The following SETD7 variants were observed in gnomAD, a reference collection of about 807,000 sequenced individuals.
SETD7 encodes SET domain containing 7, histone lysine methyltransferase.
SETD7 carries 16 observed loss-of-function variants against 41.8 expected under a neutral mutation model. The observed-to-expected ratio is 0.38, with a 90% confidence interval of 0.26 to 0.58. The LOEUF (loss-of-function observed/expected upper bound fraction) is 0.58, where lower values mean the gene tolerates loss of function less well. SETD7 is among the 20% of genes least tolerant of loss of function. The pLI, the probability that SETD7 is intolerant of heterozygous loss-of-function variation, is 0.64. For synonymous variants in SETD7, 163 were observed against 169.7 expected (o/e 0.96, Z 0.31); for missense variants, 346 against 459.7 (o/e 0.75, Z 2.26).
chr4:139,517,475 CAAAAA>C (rs56132171), intron 7 of SETD7, among the ~76,000 whole-genome samples: 11 of 134,044 alleles, frequency 8.2e-5, no homozygotes, highest in Non-Finnish European at 1.6e-4. Context: ...AAATCCATCT[CAAAAA>C]AAAAAAAAAA....
chr4:139,545,899 G>A (rs1727929711), intron 2 of SETD7, among the ~76,000 whole-genome samples: 1 of 152,150 alleles, frequency 6.6e-6, no homozygotes, highest in South Asian at 2.1e-4. Context: ...CAACCAACGG[G>A]TCTGAAAATA....
rs1423903082 is a variant in SETD7 at position 139,520,278 on chromosome 4, T to G, written c.761A>C (p.Glu254Ala). The change falls in exon 6 of 8, where the codon GAG becomes GCG. Residue 254 changes from glutamate (E) to alanine (A), a missense_variant and splice_region_variant. Physicochemically the swap from Glu to Ala is moderately radical, Grantham distance 107 (BLOSUM62 -1). Around this residue, in one of 3 missense-constraint regions of SETD7, gnomAD observed 266 missense variants for 377.0 expected, o/e 0.71. Transcript: ENST00000274031. The stretch of plus-strand genomic sequence containing the variant: ...TTTTCCACTGTCAGCCCCACTCACC[T>G]CTTGGTGTGTAATTCGAACTCCATT... ...FYNGVRITHQ[E>A]VDSRDWALNG... The G allele has an allele frequency of 2.0e-6, 3 of 1,529,546 alleles. No homozygotes were observed. Among genetic ancestry groups the G allele is most frequent in the Non-Finnish European group, 2.7e-6 (3 of 1,115,052 alleles). The allele number at this position is 1,529,546 out of a possible 1,614,324, so 94.7% of individuals were successfully genotyped here. A position where few individuals can be genotyped will look rare whatever the true frequency, so the allele number is the denominator to read the frequency against.
intron 3 of SETD7, 131 bp downstream of exon 3, chr4:139,533,034 C>T: frequency 1.3e-6 from 1 of 741,896 alleles, no homozygotes; most frequent in South Asian, 1.6e-5. Context: ...GCCTCATAAA[C>T]TCTTGGTGTC....
chr4:139,520,026 A>G (rs920245218), intron 6 of SETD7, among the ~76,000 whole-genome samples: 2 of 152,212 alleles, frequency 1.3e-5, no homozygotes, highest in African/African-American at 4.8e-5. Flanking sequence ...TTTTTAAGAC[A>G]TTGGTACAGT....
rs1728240790 is a variant in SETD7, at chr4:139,555,515, G to A, written c.40+583C>T. ...TCCCGGGTCGGGAGACTTGTCCGTCGCCCGACAATGATTTCATCTTTTCGG... is the reference window on the plus strand; with the variant it reads ...TCCCGGGTCGGGAGACTTGTCCGTCACCCGACAATGATTTCATCTTTTCGG... On this transcript the variant is annotated intron_variant, in intron 1 of 7. Coordinates refer to ENST00000274031, the MANE Select transcript of SETD7 (RefSeq NM_030648.4). This position sits in a 1 kb window ranked among gnomAD's most constrained non-coding sequence, Gnocchi z 4.0. Among the ~76,000 whole-genome samples, 1 of 152,132 alleles carries A rather than the reference G, an allele frequency of 6.6e-6. No homozygotes were observed.
intron 7 of SETD7, among the ~76,000 whole-genome samples, chr4:139,498,618 C>T (rs899433194): frequency 2.6e-5 from 4 of 152,176 alleles, no homozygotes; most frequent in African/African-American, 9.7e-5. Context: ...AAGACAATAT[C>T]CAGAAATGAA....
At chr4:139,531,912 G>T (rs1025827999) in intron 3 of SETD7, among the ~76,000 whole-genome samples, 15 of 152,052 alleles carry the variant, frequency 9.9e-5, no homozygotes, top group African/African-American at 3.6e-4. Flanking sequence ...GGTCAACATG[G>T]TGAAACCCCA....
intron 1 of SETD7, among the ~76,000 whole-genome samples, chr4:139,549,931 C>T (rs1402564954): frequency 6.6e-6 from 1 of 152,160 alleles, no homozygotes; most frequent in Non-Finnish European, 1.5e-5. Context: ...GCACCTGCCA[C>T]CAAGCCCAGC....
chr4:139,523,491 A>T, intron 4 of SETD7, 56 bp from the exon 5 acceptor site: 2 of 1,246,776 alleles, frequency 1.6e-6, no homozygotes, highest in Non-Finnish European at 2.3e-6. Flanking sequence ...GAGCATTTAT[A>T]ACACTTCTCT....
rs554932524 is a variant in SETD7 at position 139,545,169 on chromosome 4, A to G, written c.170+1751T>C. 1.4e-4 allele frequency among the ~76,000 whole-genome samples: 22 copies of G among 152,182 alleles called. No individual in the cohort carries two copies. In the South Asian group the frequency reaches 2.3e-3, roughly 16 times the overall value. On this transcript the variant is annotated intron_variant, in intron 2 of 7. Transcript: ENST00000274031. ...TGGATAGGTTAAAAGAGTCATAGGA[A>G]AGAAAAGCAGTGATACCAACTTTTT...
At position 139,511,405 on chromosome 4, in the gene SETD7, C is replaced by G; in HGVS notation, c.*258G>C. 1 of 466,146 alleles carries G rather than the reference C, an allele frequency of 2.1e-6. No individual in the cohort carries two copies. The highest frequency in any genetic ancestry group is 3.7e-6 in the Non-Finnish European group (1 of 273,772). The allele number at this position is 466,146 out of a possible 1,614,324, so 28.9% of individuals were successfully genotyped here. A position where few individuals can be genotyped will look rare whatever the true frequency, so the allele number is the denominator to read the frequency against. ...TGGTACAGATTTAGACTTGAACCAC[C>G]AAAGAACATCACGCTGTCTTATGTC... On this transcript the variant is annotated 3_prime_UTR_variant, in exon 8 of 8. Coordinates refer to ENST00000274031, the MANE Select transcript of SETD7 (RefSeq NM_030648.4).
rs1406032202 is a variant in SETD7, at chr4:139,518,918, C to A, written c.763-876G>T. Among the ~76,000 whole-genome samples the A allele has an allele frequency of 2.0e-5, 3 of 152,176 alleles. No individual in the cohort carries two copies. In the East Asian group the frequency reaches 5.8e-4, roughly 29 times the overall value. On this transcript the variant is annotated intron_variant, in intron 6 of 7. Coordinates refer to ENST00000274031, the MANE Select transcript of SETD7 (RefSeq NM_030648.4). ...ATGACAGCAGCCCAGCCTTTTGAAG[C>A]CAACAGGATGACATTTTCATACAAA...
At chr4:139,545,291 G>C (rs1560691770) in intron 2 of SETD7, among the ~76,000 whole-genome samples, 1 of 151,910 alleles carries the variant, frequency 6.6e-6, no homozygotes, top group Non-Finnish European at 1.5e-5. Flanking sequence ...AGTTCCCAAG[G>C]TCTCTACACC....
chr4:139,524,973 T>C (rs889621627), intron 4 of SETD7, among the ~76,000 whole-genome samples: 8 of 152,170 alleles, frequency 5.3e-5, no homozygotes, highest in African/African-American at 1.2e-4. Context: ...CCTGTCACCA[T>C]GCCTGGCTAA....
chr4:139,518,296 T>G (rs1475323345), intron 6 of SETD7, among the ~76,000 whole-genome samples: 1 of 152,134 alleles, frequency 6.6e-6, no homozygotes, highest in African/African-American at 2.4e-5. Context: ...GCCTGGCTAG[T>G]TTTTGTATAT....
chr4:139,543,923 C>T (rs1021013882), intron 2 of SETD7, among the ~76,000 whole-genome samples: 1 of 151,858 alleles, frequency 6.6e-6, no homozygotes, highest in South Asian at 2.1e-4. Flanking sequence ...GAGATCGCGC[C>T]GCTGCACTCC....
chr4:139,552,978 A>C (rs576874525), intron 1 of SETD7, among the ~76,000 whole-genome samples: 1 of 152,340 alleles, frequency 6.6e-6, no homozygotes, highest in South Asian at 2.1e-4. Flanking sequence ...CTGGAAAACT[A>C]AACATCACTC....
At chr4:139,500,468 A>C (rs1262625921) in intron 7 of SETD7, among the ~76,000 whole-genome samples, 1 of 152,216 alleles carries the variant, frequency 6.6e-6, no homozygotes, top group Non-Finnish European at 1.5e-5. Flanking sequence ...ATTTTCAGAA[A>C]CTGTAGTAAA....
rs373942396 is a variant in SETD7, at chr4:139,518,887, C to G, written c.763-845G>C. On this transcript the variant is annotated intron_variant, in intron 6 of 7. Coordinates refer to ENST00000274031, the MANE Select transcript of SETD7 (RefSeq NM_030648.4). ...ACTCCTGATGAACTCACCCCAGGAG[C>G]TGGTGATGACAGCAGCCCAGCCTTT... 3.9e-5 allele frequency among the ~76,000 whole-genome samples: 6 copies of G among 152,350 alleles called. No individual in the cohort carries two copies. In the East Asian group the frequency reaches 1.2e-3, roughly 29 times the overall value.
Sources: gnomAD v4.1 joint callset for allele counts (sites outside exome capture counted in the v4.1 genomes callset) on GRCh38, gnomAD v4.1.1 for gene constraint, gnomAD v4.1.1 regional missense constraint, Gnocchi (gnomAD v3.1) non-coding constraint, MANE v1.5 for transcripts, NCBI Gene and HGNC (gene_info 2026-07-23, HGNC 2026-07-21) for gene names.